The following RARB variants were observed in gnomAD, a reference collection of about 807,000 sequenced individuals.
The protein encoded by RARB is HBV-activated protein.
In RARB, 17 loss-of-function variants were observed where a neutral mutation model predicts 51.9. That is an observed-to-expected ratio of 0.33 (90% CI 0.22 to 0.49). The LOEUF is 0.49. Ranked by LOEUF, RARB falls within the 20% of genes least tolerant of loss-of-function variation. RARB has a pLI of 0.99. For missense variants in RARB, 369 were observed against 550.8 expected (o/e 0.67, Z 3.30); for synonymous variants, 215 against 195.4 (o/e 1.10, Z -0.84).
rs114477498 is a variant in RARB, at chr3:25,214,643, C to T, written c.178+40068C>T. 3.3e-3 allele frequency among the ~76,000 whole-genome samples: 504 copies of T among 152,248 alleles called. 5 individuals are homozygous for T. Among genetic ancestry groups the T allele is most frequent in the African/African-American group, 0.011 (467 of 41,556 alleles). On this transcript the variant is annotated intron_variant, in intron 5 of 11. Transcript: ENST00000383772. The stretch of plus-strand genomic sequence containing the variant: ...TCCTGAAATGCCCCTGAAGGGACTT[C>T]AGCACTTGGGTGGAGCTGGCTCAAT...
At chr3:25,562,250 A>G (rs909191530) in intron 3 of RARB, among the ~76,000 whole-genome samples, 4 of 151,086 alleles carry the variant, frequency 2.6e-5, no homozygotes, top group Non-Finnish European at 5.9e-5. Flanking sequence ...TTTTTTTTCT[A>G]GATCAGAGGT....
At chr3:25,436,885 C>A (rs144507779) in intron 1 of RARB, among the ~76,000 whole-genome samples, 1 of 152,224 alleles carries the variant, frequency 6.6e-6, no homozygotes, top group Non-Finnish European at 1.5e-5. Context: ...GCTTCCCCAT[C>A]ATGGCCTGAT....
chr3:25,099,479 C>T (rs574232546), intron 3 of RARB, among the ~76,000 whole-genome samples: 13 of 152,004 alleles, frequency 8.6e-5, no homozygotes, highest in Non-Finnish European at 1.8e-4. Context: ...GGAAAAAGTT[C>T]ATCTGAAAAA....
At chr3:25,371,881 T>C (rs1173229607) in intron 5 of RARB, among the ~76,000 whole-genome samples, 1 of 151,942 alleles carries the variant, frequency 6.6e-6, no homozygotes, top group Admixed American at 6.6e-5. Flanking sequence ...TGAAAGAAAG[T>C]GTAGAGGAGT....
At chr3:25,246,367 C>T (rs59266496) in intron 5 of RARB, among the ~76,000 whole-genome samples, 1,684 of 152,138 alleles carry the variant, frequency 0.011, 34 homozygotes, top group African/African-American at 0.038. Context: ...CCCTTGCTGG[C>T]GAGGAGTTGT....
intron 2 of RARB, among the ~76,000 whole-genome samples, chr3:25,496,552 T>C (rs1697044827): frequency 6.6e-6 from 1 of 152,228 alleles, no homozygotes; most frequent in Non-Finnish European, 1.5e-5. Flanking sequence ...ACAGTGCCTA[T>C]TGGGCTCCCT....
rs527953382 is a variant in RARB at position 24,992,073 on chromosome 3, C to G, written c.-379-68052C>G. Among the ~76,000 whole-genome samples, 3 of 152,274 alleles carry G rather than the reference C, an allele frequency of 2.0e-5. No homozygotes were observed. The East Asian group carries it at 5.8e-4, about 29-fold the overall frequency. On this transcript the variant is annotated intron_variant, in intron 2 of 11. Coordinates refer to the RARB transcript ENST00000383772. Reference sequence around the variant, plus strand: ...GTGGGCCCTTGCAACTCCAGCAGGGCTCTGACACCCTGGTCTGGGTTACCT... The same window carrying G: ...GTGGGCCCTTGCAACTCCAGCAGGGGTCTGACACCCTGGTCTGGGTTACCT...
At chr3:25,330,741 C>G (rs1262912951) in intron 5 of RARB, among the ~76,000 whole-genome samples, 1 of 152,004 alleles carries the variant, frequency 6.6e-6, no homozygotes, top group Non-Finnish European at 1.5e-5. Flanking sequence ...GAGTCAAGAC[C>G]CATCAGTGTG....
chr3:25,144,115 A>G (rs1046232811), intron 4 of RARB, among the ~76,000 whole-genome samples: 2 of 152,168 alleles, frequency 1.3e-5, no homozygotes, highest in African/African-American at 4.8e-5. Context: ...CATACATTCA[A>G]CAGAATTTGT....
At chr3:25,215,588 C>T (rs889374613) in intron 5 of RARB, among the ~76,000 whole-genome samples, 2 of 152,076 alleles carry the variant, frequency 1.3e-5, no homozygotes, top group African/African-American at 2.4e-5. Flanking sequence ...CTTGGGAACC[C>T]GTGCCTGAGG....
In RARB at chr3:24,894,235, C is replaced by G. The variant is rs141662771; in HGVS notation, c.-380+35483C>G. Among the ~76,000 whole-genome samples the G allele has an allele frequency of 1.1e-4, 16 of 151,888 alleles. No homozygotes were observed. The East Asian group carries it at 2.9e-3, about 28-fold the overall frequency. ...ATCACCCAGGTAGTGAGCATAGTAC[C>G]TGATAGGCGATCTTTCAGCACACTG... is the stretch of plus-strand genomic sequence containing the variant. On this transcript the variant is annotated intron_variant, in intron 2 of 11. Transcript: ENST00000383772.
In RARB at chr3:25,500,454, G is replaced by GTTTTTTTTTTTTTTTT. The variant is rs753321842; in HGVS notation, c.307-716_307-701dup. Among the ~76,000 whole-genome samples the GTTTTTTTTTTTTTTTT allele has an allele frequency of 1.5e-3, 101 of 66,130 alleles. 5 individuals are homozygous for GTTTTTTTTTTTTTTTT. Among genetic ancestry groups the GTTTTTTTTTTTTTTTT allele is most frequent in the Non-Finnish European group, 1.8e-3 (63 of 34,966 alleles). 43.4% of individuals were successfully genotyped at this position (66,130 alleles called of 152,430 possible). Reference sequence around the variant, plus strand: ...ATAATTTCTTTTTCTTTCTTTTCTTGTTTTTTTTTTTTTTTTTTTTTTTTT... The same window carrying GTTTTTTTTTTTTTTTT: ...ATAATTTCTTTTTCTTTCTTTTCTTGTTTTTTTTTTTTTTTTTTTTTTTTTTTTTTTTTTTTTTTTT... On this transcript the variant is annotated intron_variant, in intron 2 of 7. Coordinates refer to ENST00000330688, the MANE Select transcript of RARB (RefSeq NM_000965.5).
chr3:25,135,231 A>G (rs1700014464), intron 4 of RARB, among the ~76,000 whole-genome samples: 1 of 151,926 alleles, frequency 6.6e-6, no homozygotes, highest in Admixed American at 6.6e-5. Flanking sequence ...CAACTAAGGA[A>G]CTGATTTTTA....
intron 5 of RARB, among the ~76,000 whole-genome samples, chr3:25,344,705 A>G (rs752704483): frequency 1.9e-4 from 29 of 152,226 alleles, no homozygotes; most frequent in Non-Finnish European, 3.5e-4. Flanking sequence ...TTTGGTCTGT[A>G]AAGTATTAAC....
At chr3:25,580,400 GGCTAAAAAAAATGTA>G in intron 4 of RARB, 131 bp from the exon 5 acceptor site, 1 of 732,596 alleles carries the variant, frequency 1.4e-6, no homozygotes, top group Non-Finnish European at 2.1e-6. Flanking sequence ...GATGAATCCA[GGCTAAAAAAAATGTA>G]GCTGTCCCAC....
rs201010416 is a variant in RARB, at chr3:24,946,263, CAA to C, written c.-380+87527_-380+87528del. On this transcript the variant is annotated intron_variant, in intron 2 of 11. Coordinates refer to the RARB transcript ENST00000383772. ...TGGGGGACAAAATGAGACTCCATCT[CAA>C]AAAAAAAAAAAAAAAGAAATCACTG... is the stretch of plus-strand genomic sequence containing the variant. Among the ~76,000 whole-genome samples, 252 of 116,410 alleles carry C rather than the reference CAA, an allele frequency of 2.2e-3. 2 individuals are homozygous for C. Among genetic ancestry groups the C allele is most frequent in the African/African-American group, 3.9e-3 (133 of 34,366 alleles). The allele number at this position is 116,410 out of a possible 152,430, so 76.4% of individuals were successfully genotyped here. A position where few individuals can be genotyped will look rare whatever the true frequency, so the allele number is the denominator to read the frequency against.
chr3:24,874,502 G>C (rs751401521), intron 2 of RARB, among the ~76,000 whole-genome samples: 3 of 152,038 alleles, frequency 2.0e-5, no homozygotes, highest in Non-Finnish European at 2.9e-5. Flanking sequence ...ATAAGTTTAC[G>C]TACAGCTTGT....
chr3:24,830,323 G>T (rs889239179), intron 1 of RARB, among the ~76,000 whole-genome samples: 1 of 147,662 alleles, frequency 6.8e-6, no homozygotes, highest in Non-Finnish European at 1.5e-5. Flanking sequence ...CCGATGTCTT[G>T]TAGGTGGACT....
intron 3 of RARB, among the ~76,000 whole-genome samples, chr3:25,061,191 G>A (rs968301739): frequency 4.6e-5 from 7 of 151,742 alleles, no homozygotes; most frequent in Non-Finnish European, 8.8e-5. Context: ...TTTTTAGAGG[G>A]AAAATCTAAT....
Sources: allele counts gnomAD v4.1 joint callset (sites outside exome capture counted in the v4.1 genomes callset), GRCh38; gene constraint gnomAD v4.1.1; transcripts MANE v1.5; gene names NCBI Gene and HGNC (gene_info 2026-07-23, HGNC 2026-07-21).